The following LRFN2 variants were observed in gnomAD, a reference collection of about 807,000 sequenced individuals.
LRFN2 encodes the protein leucine-rich repeat and fibronectin type-III domain-containing protein 2.
A neutral mutation model predicts 37.3 loss-of-function variants in LRFN2; 18 were observed. The observed-to-expected ratio is 0.48, with a 90% CI of 0.33 to 0.72. LRFN2 has a LOEUF of 0.72. Among genes scored for constraint, LRFN2 ranks in the 30% least tolerant of loss-of-function variants. The pLI, the probability that LRFN2 is intolerant of heterozygous loss-of-function variation, is 0.02. For synonymous variants in LRFN2, 556 were observed against 466.6 expected (o/e 1.19, Z -2.47); for missense variants, 1,006 against 1,060.7 (o/e 0.95, Z 0.72).
At position 40,455,779 on chromosome 6, in the gene LRFN2, A is replaced by G. The variant is rs188069591; in HGVS notation, c.-18-22648T>C. 2.0e-5 allele frequency among the ~76,000 whole-genome samples: 3 copies of G among 152,302 alleles called. No individual in the cohort carries two copies. The East Asian group carries it at 5.8e-4, about 29-fold the overall frequency. ...GGTGTGATGGGGTACCATTTCTGTG[A>G]TTACATGACATTGCAGGGCAGAGGA... is the stretch of plus-strand genomic sequence containing the variant. On this transcript the variant is annotated intron_variant, in intron 1 of 2. Coordinates refer to ENST00000338305, the MANE Select transcript of LRFN2 (RefSeq NM_020737.3).
intron 1 of LRFN2, among the ~76,000 whole-genome samples, chr6:40,433,584 G>A (rs1763569672): frequency 6.6e-6 from 1 of 152,200 alleles, no homozygotes; most frequent in African/African-American, 2.4e-5. Context: ...TCCAATAATT[G>A]AGTTTGAAAG....
chr6:40,428,250 T>C (rs1434663021), intron 2 of LRFN2, among the ~76,000 whole-genome samples: 6 of 152,216 alleles, frequency 3.9e-5, no homozygotes, highest in African/African-American at 1.4e-4. Flanking sequence ...TGCAAGTCTT[T>C]GCTTCTTATC....
chr6:40,451,683 T>G (rs1460414108), intron 1 of LRFN2, among the ~76,000 whole-genome samples: 1 of 152,186 alleles, frequency 6.6e-6, no homozygotes, highest in African/African-American at 2.4e-5. Context: ...GAGAAGGAGC[T>G]GTAGTGCCAG....
At position 40,433,058 on chromosome 6, in the gene LRFN2, T is replaced by A; in HGVS notation, c.56A>T (p.Asp19Val). The change falls in exon 2 of 3, where the codon GAC becomes GTC. Residue 19 changes from aspartate to valine, a missense_variant. By Grantham distance (152) the Asp-to-Val change is radical (BLOSUM62 -3). Coordinates refer to ENST00000338305, the MANE Select transcript of LRFN2 (RefSeq NM_020737.3). ...LAFGMAFAVV[D>V]ACPKYCVCQN... Reference sequence around the variant, plus strand: ...GCAGACACAGTACTTGGGGCAGGCGTCGACCACGGCAAACGCCATGCCAAA... The same window carrying A: ...GCAGACACAGTACTTGGGGCAGGCGACGACCACGGCAAACGCCATGCCAAA... 1.3e-6 allele frequency: 2 copies of A among 1,555,352 alleles called. No homozygotes were observed. The highest frequency in any genetic ancestry group is 8.7e-7 in the Non-Finnish European group (1 of 1,151,902).
At chr6:40,455,875 TG>T in intron 1 of LRFN2, among the ~76,000 whole-genome samples, 1 of 152,340 alleles carries the variant, frequency 6.6e-6, no homozygotes. Context: ...GAGATTATCC[TG>T]GGTGGGCCTG....
chr6:40,527,457 G>A (rs868185929), intron 1 of LRFN2, among the ~76,000 whole-genome samples: 1 of 152,220 alleles, frequency 6.6e-6, no homozygotes, highest in Non-Finnish European at 1.5e-5. Flanking sequence ...ACAGCAAGGG[G>A]TCGGACCAGA....
intron 1 of LRFN2, among the ~76,000 whole-genome samples, chr6:40,468,610 C>A (rs1327295120): frequency 6.6e-6 from 1 of 151,702 alleles, no homozygotes; most frequent in African/African-American, 2.4e-5. Flanking sequence ...TAAACCAGAT[C>A]TGGGGGCCTG....
intron 1 of LRFN2, among the ~76,000 whole-genome samples, chr6:40,496,639 C>T (rs1765235024): frequency 6.6e-6 from 1 of 152,078 alleles, no homozygotes; most frequent in Admixed American, 6.5e-5. Flanking sequence ...TCAGAGAGGC[C>T]TCTCAAAGGG....
At chr6:40,521,587 C>T (rs954215528) in intron 1 of LRFN2, among the ~76,000 whole-genome samples, 2 of 152,210 alleles carry the variant, frequency 1.3e-5, no homozygotes, top group Non-Finnish European at 2.9e-5. Flanking sequence ...AATTATCACT[C>T]AAGATTCACT....
chr6:40,424,460 TG>T (rs543149156), intron 2 of LRFN2, among the ~76,000 whole-genome samples: 2 of 152,242 alleles, frequency 1.3e-5, no homozygotes, highest in Non-Finnish European at 2.9e-5. Flanking sequence ...TCTTAGTCTT[TG>T]CTTTGGATAA....
chr6:40,584,088 T>C (rs1767456277), intron 1 of LRFN2, among the ~76,000 whole-genome samples: 1 of 152,172 alleles, frequency 6.6e-6, no homozygotes, highest in Admixed American at 6.5e-5. Context: ...TCTGGAGGGC[T>C]TTCTGGAGCC....
intron 2 of LRFN2, among the ~76,000 whole-genome samples, chr6:40,413,521 G>A (rs1377356136): frequency 1.3e-5 from 2 of 152,290 alleles, no homozygotes; most frequent in Non-Finnish European, 2.9e-5. Context: ...GCTGAACCAC[G>A]ACCCGGTTTC....
intron 1 of LRFN2, among the ~76,000 whole-genome samples, chr6:40,585,996 C>T (rs565113946): frequency 6.6e-6 from 1 of 152,320 alleles, no homozygotes; most frequent in African/African-American, 2.4e-5. Context: ...CAGCTGTCTG[C>T]TGTCGCCGGG....
At chr6:40,508,468 G>A (rs1253881703) in intron 1 of LRFN2, among the ~76,000 whole-genome samples, 1 of 152,134 alleles carries the variant, frequency 6.6e-6, no homozygotes, top group Non-Finnish European at 1.5e-5. Context: ...CACCCAAGAG[G>A]ACCCTGGTAT....
chr6:40,562,637 C>T (rs977204360), intron 1 of LRFN2, among the ~76,000 whole-genome samples: 2 of 152,110 alleles, frequency 1.3e-5, no homozygotes, highest in African/African-American at 4.8e-5. Context: ...GACCCTTAGC[C>T]GCCAGAGAAG....
At chr6:40,582,546 G>C (rs140778941) in intron 1 of LRFN2, among the ~76,000 whole-genome samples, 23 of 151,828 alleles carry the variant, frequency 1.5e-4, no homozygotes, top group African/African-American at 5.3e-4. Context: ...CCTCAGGTTG[G>C]TCTGGTCTCC....
chr6:40,435,014 CATATATATATATATATATATATAT>C (rs368583078), intron 1 of LRFN2, among the ~76,000 whole-genome samples: 3 of 47,996 alleles, frequency 6.3e-5, no homozygotes, highest in Admixed American at 3.3e-4. Flanking sequence ...AATGGTTTTA[CATATATATATATATATATATATAT>C]ATATATATAT....
chr6:40,569,295 G>C (rs578079789), intron 1 of LRFN2, among the ~76,000 whole-genome samples: 1 of 152,316 alleles, frequency 6.6e-6, no homozygotes, highest in South Asian at 2.1e-4. Flanking sequence ...GGAACCAAGG[G>C]AGAGTTGGTA....
chr6:40,530,782 G>A (rs748983714), intron 1 of LRFN2, among the ~76,000 whole-genome samples: 38 of 151,858 alleles, frequency 2.5e-4, no homozygotes, highest in African/African-American at 8.2e-4. Flanking sequence ...CACTCACTTC[G>A]GAGTGCCAAG....
Sources: gnomAD v4.1 joint callset for allele counts (sites outside exome capture counted in the v4.1 genomes callset) on GRCh38, gnomAD v4.1.1 for gene constraint, MANE v1.5 for transcripts, NCBI Gene and HGNC (gene_info 2026-07-23, HGNC 2026-07-21) for gene names.